ST6GAL1: variants seen among roughly 807,000 people sequenced by gnomAD.
The protein encoded by ST6GAL1 is ST6 beta-galactoside alpha-2,6-sialyltransferase 1, also known as beta-galactoside alpha-2,6-sialyltransferase 1.
ST6GAL1 carries 20 observed loss-of-function variants against 38.0 expected under a neutral mutation model. That is an observed-to-expected ratio of 0.53 (90% CI 0.37 to 0.77). The LOEUF is 0.77. ST6GAL1 is among the 30% of genes least tolerant of loss of function. ST6GAL1 has a pLI of 0.00. For synonymous variants in ST6GAL1, 196 were observed against 188.2 expected, an observed-to-expected ratio of 1.04 and a Z score of -0.34; for missense variants, 432 against 496.4, an observed-to-expected ratio of 0.87 and a Z score of 1.23.
Position 187,030,177 on chromosome 3 carries a change from G to T in ST6GAL1, c.-182-8565G>T, listed in dbSNP as rs570097008. Among the ~76,000 whole-genome samples, 148 of 152,244 alleles carry T rather than the reference G, an allele frequency of 9.7e-4. No individual in the cohort carries two copies. In the South Asian group the frequency reaches 0.01, roughly 11 times the overall value. On this transcript the variant is annotated intron_variant, in intron 2 of 7. Coordinates refer to ENST00000169298, the MANE Select transcript of ST6GAL1 (RefSeq NM_173216.2). ...GTTGGAGCTAAAATATTCAGGCAAC[G>T]AAGCACGGTATTTTGGGTGGGGGAG...
intron 2 of ST6GAL1, chr3:186,986,221 T>G (rs1312078573): frequency 6.6e-6 from 1 of 151,824 alleles, no homozygotes; most frequent in Non-Finnish European, 1.5e-5. Flanking sequence ...CGGGTGTGAG[T>G]AGGGATGGGG....
At chr3:186,940,422 A>G (rs771277661) in intron 1 of ST6GAL1, among the ~76,000 whole-genome samples, 6 of 152,088 alleles carry the variant, frequency 3.9e-5, no homozygotes, top group Non-Finnish European at 5.9e-5. Context: ...CTTTGTACAC[A>G]TTTATATATG....
At chr3:186,996,927 A>G (rs532884253) in intron 2 of ST6GAL1, among the ~76,000 whole-genome samples, 1 of 151,690 alleles carries the variant, frequency 6.6e-6, no homozygotes, top group East Asian at 2.0e-4. Flanking sequence ...GTTTGTTTCC[A>G]AGGCCATCTC....
chr3:187,052,550 T>C (rs1352709611), intron 5 of ST6GAL1, among the ~76,000 whole-genome samples: 1 of 152,204 alleles, frequency 6.6e-6, no homozygotes, highest in African/African-American at 2.4e-5. Context: ...ATGCGGTGTT[T>C]GGTTTTCTGT....
chr3:186,972,398 G>A (rs1190924188), intron 2 of ST6GAL1, among the ~76,000 whole-genome samples: 1 of 152,030 alleles, frequency 6.6e-6, no homozygotes. Flanking sequence ...ACAGGCACGG[G>A]CCACCACACC....
intron 3 of ST6GAL1, among the ~76,000 whole-genome samples, chr3:187,041,388 T>G (rs1718120295): frequency 6.6e-6 from 1 of 152,234 alleles, no homozygotes; most frequent in Admixed American, 6.5e-5. Flanking sequence ...GTGATTGCTT[T>G]GATTTATTAT....
intron 5 of ST6GAL1, among the ~76,000 whole-genome samples, chr3:187,056,584 A>G (rs1718710294): frequency 6.6e-6 from 1 of 152,170 alleles, no homozygotes; most frequent in Admixed American, 6.5e-5. Context: ...TGGACATGAA[A>G]TTCTGGGTTG....
At chr3:187,000,981 T>C (rs559192147) in intron 2 of ST6GAL1, among the ~76,000 whole-genome samples, 1 of 152,326 alleles carries the variant, frequency 6.6e-6, no homozygotes, top group East Asian at 1.9e-4. Flanking sequence ...AGTGCTTGTG[T>C]AACTGACCAG....
At chr3:186,981,088 A>C (rs1257599910) in intron 2 of ST6GAL1, among the ~76,000 whole-genome samples, 1 of 152,212 alleles carries the variant, frequency 6.6e-6, no homozygotes, top group African/African-American at 2.4e-5. Flanking sequence ...AGAAGGCAGG[A>C]GGTGTTAAAA....
chr3:187,001,964 A>C (rs2108553245), intron 2 of ST6GAL1, among the ~76,000 whole-genome samples: 1 of 151,460 alleles, frequency 6.6e-6, no homozygotes, highest in African/African-American at 2.4e-5. Flanking sequence ...TCAAAAAAAA[A>C]AAAAAAACCC....
At chr3:186,933,217 T>C (rs573035105) in intron 1 of ST6GAL1, among the ~76,000 whole-genome samples, 2 of 152,342 alleles carry the variant, frequency 1.3e-5, no homozygotes, top group South Asian at 4.1e-4. Flanking sequence ...CTTTCATCTT[T>C]TTTGCATACT....
chr3:186,993,117 C>T (rs761621048), intron 2 of ST6GAL1, among the ~76,000 whole-genome samples: 2 of 152,100 alleles, frequency 1.3e-5, no homozygotes, highest in Non-Finnish European at 2.9e-5. Context: ...GTCCCTAGTG[C>T]GTTTAGCTTC....
At chr3:186,954,032 C>A (rs1320979491) in intron 1 of ST6GAL1, among the ~76,000 whole-genome samples, 1 of 152,022 alleles carries the variant, frequency 6.6e-6, no homozygotes, top group Non-Finnish European at 1.5e-5. Flanking sequence ...CTCCCTGTGT[C>A]CATGTGTTCT....
At chr3:186,993,817 A>C (rs914398668) in intron 2 of ST6GAL1, among the ~76,000 whole-genome samples, 6 of 152,164 alleles carry the variant, frequency 3.9e-5, no homozygotes, top group Non-Finnish European at 5.9e-5. Flanking sequence ...ATCAACCCAC[A>C]GCATTACTCA....
At chr3:186,964,120 C>A (rs1715017150) in intron 2 of ST6GAL1, 194 bp downstream of exon 2, 1 of 152,248 alleles carries the variant, frequency 6.6e-6, no homozygotes. Context: ...TTTGTCAGAG[C>A]AGGTCTTTGG....
At chr3:186,949,557 G>A (rs775873652) in intron 1 of ST6GAL1, among the ~76,000 whole-genome samples, 4 of 152,210 alleles carry the variant, frequency 2.6e-5, no homozygotes, top group Non-Finnish European at 5.9e-5. Context: ...AACCAAAGGC[G>A]TCTCACAGGG....
At chr3:186,992,170 C>T (rs1199300444) in intron 2 of ST6GAL1, among the ~76,000 whole-genome samples, 4 of 151,992 alleles carry the variant, frequency 2.6e-5, no homozygotes, top group Admixed American at 2.6e-4. Context: ...AATTGTAATC[C>T]CCATATGTCA....
At chr3:186,992,937 G>C (rs1209529371) in intron 2 of ST6GAL1, among the ~76,000 whole-genome samples, 1 of 152,100 alleles carries the variant, frequency 6.6e-6, no homozygotes, top group Non-Finnish European at 1.5e-5. Flanking sequence ...TGTTTATGAG[G>C]CAAACTGTTT....
At position 187,074,172 on chromosome 3, in the gene ST6GAL1, C is replaced by T. The variant is rs750933745; in HGVS notation, c.818C>T (p.Pro273Leu). Residue 273 changes from proline (P) to leucine (L), a missense_variant, in exon 7 of 8, where the codon CCG becomes CTG. Pro to Leu is a moderately conservative substitution (Grantham distance 98). Transcript: ENST00000169298. ...HSDIPKWYQN[P>L]DYNFFNNYKT... ...TTTCTTTTTCAGTGGTACCAGAATC[C>T]GGATTATAATTTCTTTAACAACTAC... The T allele has an allele frequency of 1.7e-5, 28 of 1,605,536 alleles. No homozygotes were observed. The highest frequency in any genetic ancestry group is 1.0e-4 in the South Asian group (9 of 88,620).
Sources: allele counts gnomAD v4.1 joint callset (sites outside exome capture counted in the v4.1 genomes callset), GRCh38; gene constraint gnomAD v4.1.1; transcripts MANE v1.5; gene names NCBI Gene and HGNC (gene_info 2026-07-23, HGNC 2026-07-21).